PLXND1: variants seen among roughly 807,000 people sequenced by gnomAD.
The protein encoded by PLXND1 is plexin-D1.
Under a neutral mutation model 197.7 loss-of-function variants are expected in PLXND1, and 54 were observed. The ratio of observed to expected loss-of-function variants is 0.27; its 90% CI spans 0.22 to 0.34. PLXND1 has a LOEUF of 0.34. Among genes scored for constraint, PLXND1 ranks in the 10% least tolerant of loss-of-function variants. PLXND1 has a pLI of 1.00. For synonymous variants in PLXND1, 1,180 were observed against 1,161.2 expected, an observed-to-expected ratio of 1.02 and a Z score of -0.33; for missense variants, 2,127 against 2,699.2, an observed-to-expected ratio of 0.79 and a Z score of 4.70.
At chr3:129,563,616 TA>T (rs1219542467) in intron 25 of PLXND1, among the ~76,000 whole-genome samples, 1 of 152,216 alleles carries the variant, frequency 6.6e-6, no homozygotes, top group Non-Finnish European at 1.5e-5. Flanking sequence ...GACTTTCTAC[TA>T]AGTGGGGGGC....
Position 129,605,790 on chromosome 3 carries a change from G to A in PLXND1, c.850C>T (p.Leu284=), listed in dbSNP as rs761435693. ...QHKLGFVSAF[L]HPSDPPPGAQ... is the part of the protein sequence containing the mutation. ...CCCGGCGGCGGGTCGGACGGGTGCA[G>A]GAAGGCGCTCACGAAGCCCAGCTTG... The change falls in exon 1 of 36, where the codon CTG becomes TTG. Residue 284 remains leucine (L), a synonymous_variant. Coordinates refer to ENST00000324093, the MANE Select transcript of PLXND1 (RefSeq NM_015103.3). The A allele has an allele frequency of 1.3e-6, 2 of 1,593,084 alleles. No individual in the cohort carries two copies. Among genetic ancestry groups the A allele is most frequent in the Non-Finnish European group, 1.7e-6 (2 of 1,170,822 alleles).
intron 29 of PLXND1, 26 bp downstream of exon 29, chr3:129,561,620 T>A: frequency 1.3e-6 from 2 of 1,566,694 alleles, no homozygotes; most frequent in South Asian, 1.1e-5. Context: ...CAGCCTGGGC[T>A]CCCTTCCCAC....
At position 129,605,407 on chromosome 3, in the gene PLXND1, C is replaced by G; in HGVS notation, c.1233G>C (p.Pro411=). 1.3e-6 allele frequency: 2 copies of G among 1,500,844 alleles called. No individual in the cohort carries two copies. Among genetic ancestry groups the G allele is most frequent in the Non-Finnish European group, 1.8e-6 (2 of 1,132,822 alleles). The allele number at this position is 1,500,844 out of a possible 1,614,324, so 93.0% of individuals were successfully genotyped here. ...CGAGCACCGCCACCACGTCGGGCGCCGGTTCCACGAAGCAGGCGGTGCGCG... is the reference window on the plus strand; with the variant it reads ...CGAGCACCGCCACCACGTCGGGCGCGGGTTCCACGAAGCAGGCGGTGCGCG... ...RAARTACFVE[P]APDVVAVLDS... is the part of the protein sequence containing the mutation. Residue 411 remains proline, a synonymous_variant, in exon 1 of 36, where the codon CCG becomes CCC. Coordinates refer to ENST00000324093, the MANE Select transcript of PLXND1 (RefSeq NM_015103.3).
At chr3:129,585,122 T>G (rs867569575) in intron 5 of PLXND1, among the ~76,000 whole-genome samples, 4 of 152,214 alleles carry the variant, frequency 2.6e-5, no homozygotes, top group Non-Finnish European at 5.9e-5. Flanking sequence ...TCCAGAACTG[T>G]GCTTGGCACA....
chr3:129,571,437 G>T (rs2085226110), intron 17 of PLXND1, 72 bp downstream of exon 17: 3 of 1,528,196 alleles, frequency 2.0e-6, no homozygotes, highest in Non-Finnish European at 2.7e-6. Context: ...AGTGGGAGGA[G>T]GCCTGGTCAG....
At chr3:129,556,469 C>A (rs748276761) in intron 35 of PLXND1, 41 bp from the exon 36 acceptor site, 1 of 1,528,700 alleles carries the variant, frequency 6.5e-7, no homozygotes, top group South Asian at 1.1e-5. Context: ...TGGCCGGTAG[C>A]CCTGCCTCAG....
rs2085065847 is a variant in PLXND1, at chr3:129,561,782, CG to C, written c.4929+17del. 3 of 534,682 alleles carry C rather than the reference CG, an allele frequency of 5.6e-6. No individual in the cohort carries two copies. Among genetic ancestry groups the C allele is most frequent in the African/African-American group, 3.0e-5 (1 of 33,792 alleles). 33.1% of individuals were successfully genotyped at this position (534,682 alleles called of 1,614,324 possible). A position where few individuals can be genotyped will look rare whatever the true frequency, so the allele number is the denominator to read the frequency against. On this transcript the variant is annotated intron_variant, in intron 28 of 35. Coordinates refer to ENST00000324093, the MANE Select transcript of PLXND1 (RefSeq NM_015103.3). Reference sequence around the variant, plus strand: ...GGGCATGAGGGTGGGGAAATGGGGGCGGGGGGCAGGGCTGCACCTTGTAATG... The same window carrying C: ...GGGCATGAGGGTGGGGAAATGGGGGCGGGGGCAGGGCTGCACCTTGTAATG...
chr3:129,594,342 C>T (rs991758042), intron 1 of PLXND1, among the ~76,000 whole-genome samples: 13 of 152,132 alleles, frequency 8.5e-5, no homozygotes, highest in African/African-American at 1.9e-4. Context: ...GTGGGCCGTT[C>T]GCACCATGGC....
intron 8 of PLXND1, among the ~76,000 whole-genome samples, chr3:129,579,757 G>A (rs765780004): frequency 5.3e-5 from 8 of 152,214 alleles, no homozygotes; most frequent in Non-Finnish European, 7.3e-5. Flanking sequence ...AAGCAAAAGC[G>A]TCCATGGGCC....
intron 32 of PLXND1, chr3:129,559,418 C>T: frequency 1.9e-6 from 1 of 523,474 alleles, no homozygotes; most frequent in East Asian, 3.1e-5. Context: ...TTAATTCCCA[C>T]CATTAACATG....
Position 129,556,139 on chromosome 3 carries a change from G to A in PLXND1, c.*173C>T. The stretch of plus-strand genomic sequence containing the variant: ...TGGGAGGGGATGGAGGTGCCCAGGG[G>A]TCAAGGCGGGGGCGCCCCTGTCTCA... On this transcript the variant is annotated 3_prime_UTR_variant, in exon 36 of 36. Transcript: ENST00000324093. 1.6e-6 allele frequency: 1 copy of A among 608,498 alleles called. No individual in the cohort carries two copies. The highest frequency in any genetic ancestry group is 2.9e-6 in the Non-Finnish European group (1 of 339,200). 37.7% of individuals were successfully genotyped at this position (608,498 alleles called of 1,614,324 possible).
chr3:129,556,763 T>C (rs1411085965), intron 34 of PLXND1, 72 bp from the exon 35 acceptor site: 12 of 1,102,642 alleles, frequency 1.1e-5, no homozygotes, highest in Non-Finnish European at 1.6e-5. Flanking sequence ...CAAAGCCAGC[T>C]GCTTGCACAC....
chr3:129,571,670 G>A lies in PLXND1; in HGVS notation c.3245+7C>T. ...AGCCTGGGGGAAGGGCGGGGTGCCA[G>A]TCTCACCTGACAGGGCTGCGGCGGG... is the stretch of plus-strand genomic sequence containing the variant. On this transcript the variant is annotated splice_region_variant and intron_variant, in intron 16 of 35. Coordinates refer to ENST00000324093, the MANE Select transcript of PLXND1 (RefSeq NM_015103.3). 1 of 1,613,966 alleles carries A rather than the reference G, an allele frequency of 6.2e-7. No homozygotes were observed. The highest frequency in any genetic ancestry group is 8.5e-7 in the Non-Finnish European group (1 of 1,179,964).
chr3:129,604,143 C>G (rs2085749882), intron 1 of PLXND1, among the ~76,000 whole-genome samples: 1 of 152,180 alleles, frequency 6.6e-6, no homozygotes, highest in Non-Finnish European at 1.5e-5. Flanking sequence ...TTGCTACTGC[C>G]CAACCCAGCC....
At position 129,571,839 on chromosome 3, in the gene PLXND1, G is replaced by A; in HGVS notation, c.3083C>T (p.Thr1028Ile). 6.2e-7 allele frequency: 1 copy of A among 1,610,414 alleles called. No homozygotes were observed. The highest frequency in any genetic ancestry group is 8.5e-7 in the Non-Finnish European group (1 of 1,178,662). The change falls in exon 16 of 36, where the codon ACA (threonine) becomes ATA (isoleucine). Residue 1028 changes from threonine to isoleucine, a missense_variant. Physicochemically the swap from Thr to Ile is moderately conservative, Grantham distance 89. Around this residue, in one of 6 missense-constraint regions of PLXND1, gnomAD observed 1,095 missense variants for 1,259.8 expected, o/e 0.87. Coordinates refer to ENST00000324093, the MANE Select transcript of PLXND1 (RefSeq NM_015103.3). ...DTDPCTELMR[T>I]DTSIACTMPE... ...CATGGTGCAGGCGATGCTGGTATCT[G>A]TGCGCCTGGGGGGAGCAGCAGGTTA...
intron 8 of PLXND1, among the ~76,000 whole-genome samples, chr3:129,579,347 G>A (rs1427000306): frequency 6.6e-6 from 1 of 152,154 alleles, no homozygotes; most frequent in Non-Finnish European, 1.5e-5. Context: ...GTCTAGCCCC[G>A]CTGCAGGGAT....
rs1015086717 is a variant in PLXND1 at position 129,557,974 on chromosome 3, C to T, written c.5445+454G>A. On this transcript the variant is annotated intron_variant, in intron 33 of 35. Transcript: ENST00000324093. The surrounding 1 kb of genome is among the most constrained non-coding windows in gnomAD (Gnocchi z 4.8). ...ACAGCCTTGTGTGCCCCCAACACAC[C>T]GCATGAATCTCAGAGCTCCTAGCCA... Among the ~76,000 whole-genome samples the T allele has an allele frequency of 6.6e-6, 1 of 152,204 alleles. No homozygotes were observed. Among genetic ancestry groups the T allele is most frequent in the East Asian group, 1.9e-4 (1 of 5,194 alleles).
chr3:129,584,708 G>T (rs2085435750), intron 5 of PLXND1, 146 bp from the exon 6 acceptor site: 1 of 693,586 alleles, frequency 1.4e-6, no homozygotes, highest in Admixed American at 3.0e-5. Context: ...GGGCCAGAGG[G>T]CTATGCCCTA....
At chr3:129,560,661 T>TC (rs2085044152) in intron 30 of PLXND1, 28 bp downstream of exon 30, 4 of 1,568,752 alleles carry the variant, frequency 2.5e-6, no homozygotes, top group African/African-American at 1.4e-5. Flanking sequence ...AGGGGCTGGA[T>TC]CCCCCGGGGC....
Sources: gnomAD v4.1 joint callset for allele counts (sites outside exome capture counted in the v4.1 genomes callset) on GRCh38, gnomAD v4.1.1 for gene constraint, gnomAD v4.1.1 regional missense constraint, Gnocchi (gnomAD v3.1) non-coding constraint, MANE v1.5 for transcripts, NCBI Gene and HGNC (gene_info 2026-07-23, HGNC 2026-07-21) for gene names.